Variants in ELAVL2 observed in about 807,000 individuals in gnomAD.
The protein encoded by ELAVL2 is ELAV like RNA binding protein 2, also known as ELAV-like protein 2.
In ELAVL2, 4 loss-of-function variants were observed where a neutral mutation model predicts 34.6. The observed-to-expected ratio is 0.12, with a 90% CI of 0.06 to 0.26. The LOEUF is 0.26. Ranked by LOEUF, ELAVL2 falls within the 10% of genes least tolerant of loss-of-function variation. The pLI is 1.00. For synonymous variants in ELAVL2, 193 were observed against 154.8 expected (o/e 1.25, Z -1.83); for missense variants, 432 against 442.8 (o/e 0.98, Z 0.22).
intron 2 of ELAVL2, among the ~76,000 whole-genome samples, chr9:23,738,910 C>G (rs2048501228): frequency 1.3e-5 from 2 of 152,144 alleles, no homozygotes; most frequent in South Asian, 4.1e-4. Context: ...CCTGTAGTTC[C>G]AGTCCCAGTA....
At chr9:23,758,597 T>C (rs1477635751) in intron 2 of ELAVL2, among the ~76,000 whole-genome samples, 1 of 152,118 alleles carries the variant, frequency 6.6e-6, no homozygotes, top group Non-Finnish European at 1.5e-5. Flanking sequence ...TCATATGTTA[T>C]TGATGTGAAC....
In ELAVL2 at chr9:23,704,936, G is replaced by C; in HGVS notation, c.469C>G (p.Leu157Val). ...QYGRIITSRILVDQVTGISRG... is the reference protein window; with the variant it reads ...QYGRIITSRIVVDQVTGISRG... ...TACTTACCAGTGACCTGGTCGACAA[G>C]AATACGAGAAGTAATAATGCGTCCA... is the stretch of plus-strand genomic sequence containing the variant. Residue 157 changes from leucine (L) to valine (V), a missense_variant, in exon 4 of 7, where the codon CTT becomes GTT. Transcript: ENST00000397312. 1 of 1,614,096 alleles carries C rather than the reference G, an allele frequency of 6.2e-7. No homozygotes were observed. Among genetic ancestry groups the C allele is most frequent in the Non-Finnish European group, 8.5e-7 (1 of 1,179,984 alleles).
At chr9:23,783,559 G>C (rs1039576387) in intron 1 of ELAVL2, 2 of 936,632 alleles carry the variant, frequency 2.1e-6, no homozygotes, top group Admixed American at 6.2e-5. Context: ...ACCACTAAAA[G>C]GACACAGAAG....
At chr9:23,711,386 T>C (rs963300308) in intron 3 of ELAVL2, among the ~76,000 whole-genome samples, 1 of 152,202 alleles carries the variant, frequency 6.6e-6, no homozygotes, top group Non-Finnish European at 1.5e-5. Context: ...TATTTGATAA[T>C]GTCATCCTCA....
chr9:23,810,778 C>A (rs908496584), intron 1 of ELAVL2, among the ~76,000 whole-genome samples: 11 of 152,054 alleles, frequency 7.2e-5, no homozygotes, highest in Non-Finnish European at 1.6e-4. Context: ...AACATCATTC[C>A]CAGGGAGCTG....
At chr9:23,740,558 C>T (rs1443786280) in intron 2 of ELAVL2, among the ~76,000 whole-genome samples, 1 of 152,102 alleles carries the variant, frequency 6.6e-6, no homozygotes, top group African/African-American at 2.4e-5. Flanking sequence ...TCTCCAAATA[C>T]ATCTGTATTT....
At chr9:23,738,815 C>T (rs1190229272) in intron 2 of ELAVL2, among the ~76,000 whole-genome samples, 50 of 152,134 alleles carry the variant, frequency 3.3e-4, no homozygotes, top group Non-Finnish European at 1.3e-4. Context: ...CGGTTAATGT[C>T]CTCAGCACCA....
chr9:23,697,007 C>G (rs1447353902), intron 5 of ELAVL2, among the ~76,000 whole-genome samples: 2 of 151,904 alleles, frequency 1.3e-5, no homozygotes, highest in Admixed American at 1.3e-4. Context: ...CTTCTCAGTC[C>G]TGTGTATCAC....
chr9:23,825,708 ATTAAC>A (rs1449588197), intron 1 of ELAVL2, 93 bp downstream of exon 1: 1 of 152,266 alleles, frequency 6.6e-6, no homozygotes, highest in Non-Finnish European at 1.5e-5. Flanking sequence ...AACATGTGCA[ATTAAC>A]TTCATATTCT....
intron 2 of ELAVL2, among the ~76,000 whole-genome samples, chr9:23,748,821 G>A (rs1463821496): frequency 2.0e-5 from 3 of 151,770 alleles, no homozygotes; most frequent in African/African-American, 4.8e-5. Flanking sequence ...CAGCCCAAGG[G>A]GAAAAAAACT....
At chr9:23,757,489 G>T (rs1454171922) in intron 2 of ELAVL2, among the ~76,000 whole-genome samples, 1 of 151,914 alleles carries the variant, frequency 6.6e-6, no homozygotes, top group Non-Finnish European at 1.5e-5. Flanking sequence ...AGAAGGGAGA[G>T]GGTTGGTTAA....
chr9:23,830,857 T>A (rs1471321893), upstream of ELAVL2, among the ~76,000 whole-genome samples: 1 of 151,760 alleles, frequency 6.6e-6, no homozygotes, highest in Non-Finnish European at 1.5e-5. Context: ...ACGTTTTTCC[T>A]GAGCATAAAA....
chr9:23,792,487 G>A (rs757669303), intron 1 of ELAVL2, among the ~76,000 whole-genome samples: 2 of 152,110 alleles, frequency 1.3e-5, no homozygotes, highest in African/African-American at 2.4e-5. Flanking sequence ...ACCAGGGCAA[G>A]CCTTTATCAT....
chr9:23,702,189 T>C (rs2037493114), intron 4 of ELAVL2, among the ~76,000 whole-genome samples: 1 of 152,230 alleles, frequency 6.6e-6, no homozygotes, highest in African/African-American at 2.4e-5. Flanking sequence ...GAAAATGCTC[T>C]TCCAGTTCTC....
intron 1 of ELAVL2, among the ~76,000 whole-genome samples, chr9:23,779,917 A>G (rs2058806120): frequency 6.9e-6 from 1 of 145,636 alleles, no homozygotes; most frequent in Non-Finnish European, 1.5e-5. Context: ...AAGGTTGCAG[A>G]GTATTATGTT....
intron 2 of ELAVL2, among the ~76,000 whole-genome samples, chr9:23,744,095 C>T (rs1454085925): frequency 1.3e-5 from 2 of 152,134 alleles, no homozygotes; most frequent in Non-Finnish European, 2.9e-5. Context: ...AGTTTAAGGC[C>T]TCCAGCTAAC....
At chr9:23,698,257 G>C (rs779563762) in intron 5 of ELAVL2, among the ~76,000 whole-genome samples, 1 of 152,150 alleles carries the variant, frequency 6.6e-6, no homozygotes, top group Non-Finnish European at 1.5e-5. Flanking sequence ...TAAGGGGCTT[G>C]AATTACACCA....
At chr9:23,705,545 G>A (rs1362155502) in intron 3 of ELAVL2, among the ~76,000 whole-genome samples, 1 of 152,202 alleles carries the variant, frequency 6.6e-6, no homozygotes, top group African/African-American at 2.4e-5. Context: ...TGTCTTCTGT[G>A]GGGCCAATCC....
At chr9:23,798,883 T>C (rs1394869520) in intron 1 of ELAVL2, among the ~76,000 whole-genome samples, 1 of 152,168 alleles carries the variant, frequency 6.6e-6, no homozygotes, top group East Asian at 1.9e-4. Flanking sequence ...TCTGCCACCA[T>C]CTGTTTTTTA....
Sources: allele counts gnomAD v4.1 joint callset (sites outside exome capture counted in the v4.1 genomes callset), GRCh38; gene constraint gnomAD v4.1.1; transcripts MANE v1.5; gene names NCBI Gene and HGNC (gene_info 2026-07-23, HGNC 2026-07-21).